The following GDAP2 variants were observed in gnomAD, a reference collection of about 807,000 sequenced individuals.
GDAP2 encodes the protein ganglioside-induced differentiation-associated protein 2.
Under a neutral mutation model 67.0 loss-of-function variants are expected in GDAP2, and 51 were observed. That is an observed-to-expected ratio of 0.76 (90% CI 0.61 to 0.96). The LOEUF is 0.96. Ranked by LOEUF, GDAP2 falls within the 40% of genes least tolerant of loss-of-function variation. The pLI, the probability that GDAP2 is intolerant of heterozygous loss-of-function variation, is 0.00. For synonymous variants in GDAP2, 203 were observed against 207.3 expected, an observed-to-expected ratio of 0.98 and a Z score of 0.18; for missense variants, 547 against 588.3, an observed-to-expected ratio of 0.93 and a Z score of 0.73.
At chr1:117,883,655 A>G in intron 10 of GDAP2, 28 bp from the exon 11 acceptor site, 4 of 1,558,422 alleles carry the variant, frequency 2.6e-6, no homozygotes, top group Non-Finnish European at 2.6e-6. Context: ...AATAAAGGTG[A>G]AGATCATTTT....
rs758277585 is a variant in GDAP2, at chr1:117,912,029, C to T, written c.524G>A (p.Gly175Asp). The change falls in exon 5 of 14, where the codon GGT becomes GAT. Residue 175 changes from glycine (G) to aspartate (D), a missense_variant. By Grantham distance (94) the Gly-to-Asp change is moderately conservative (BLOSUM62 -1). Coordinates refer to ENST00000369443, the MANE Select transcript of GDAP2 (RefSeq NM_017686.4). ...GFCVINSAKR[G>D]YPLEDATHIA... ...GTGTGTTGCATCCTCTAAAGGATAA[C>T]CACGTTTTGCAGAATTGATGACACA... 3.1e-6 allele frequency: 5 copies of T among 1,607,614 alleles called. No homozygotes were observed. In the African/African-American group the frequency reaches 6.7e-5, roughly 22 times the overall value.
At chr1:117,921,080 A>T (rs1650237184) in intron 1 of GDAP2, among the ~76,000 whole-genome samples, 1 of 152,206 alleles carries the variant, frequency 6.6e-6, no homozygotes, top group South Asian at 2.1e-4. Flanking sequence ...CAAGTACTAG[A>T]GAGAAGCAAT....
At chr1:117,911,754 T>TAA (rs1382438697) in intron 5 of GDAP2, among the ~76,000 whole-genome samples, 2 of 135,512 alleles carry the variant, frequency 1.5e-5, no homozygotes, top group Non-Finnish European at 3.2e-5. Flanking sequence ...ATTTAATGAT[T>TAA]AAAAAAAAAA....
chr1:117,892,283 C>T (rs1296195883), intron 8 of GDAP2, among the ~76,000 whole-genome samples: 1 of 152,110 alleles, frequency 6.6e-6, no homozygotes, highest in East Asian at 1.9e-4. Flanking sequence ...TCTTCTCACT[C>T]AATAGACAAT....
intron 8 of GDAP2, among the ~76,000 whole-genome samples, chr1:117,893,523 G>A (rs1649160027): frequency 6.6e-6 from 1 of 152,100 alleles, no homozygotes; most frequent in Admixed American, 6.6e-5. Context: ...CTTTTGAAAA[G>A]ATATTTACTA....
In GDAP2 at chr1:117,920,429, A is replaced by C. The variant is rs1650208605; in HGVS notation, c.-67-5T>G. ...AATATTCACTGGAGACTTTAGCTTT[A>C]AGAGAAAAGAAAGAATCACTTTAAT... On this transcript the variant is annotated splice_polypyrimidine_tract_variant and splice_region_variant and intron_variant, in intron 1 of 13. Coordinates refer to ENST00000369443, the MANE Select transcript of GDAP2 (RefSeq NM_017686.4). 1 of 925,130 alleles carries C rather than the reference A, an allele frequency of 1.1e-6. No individual in the cohort carries two copies. The highest frequency in any genetic ancestry group is 1.7e-5 in the African/African-American group (1 of 60,266). 57.3% of individuals were successfully genotyped at this position (925,130 alleles called of 1,614,324 possible).
intron 1 of GDAP2, among the ~76,000 whole-genome samples, chr1:117,924,696 T>C (rs1013388529): frequency 6.6e-6 from 1 of 152,234 alleles, no homozygotes; most frequent in South Asian, 2.1e-4. Context: ...TAAACAATGA[T>C]AAATTTGTAT....
intron 6 of GDAP2, among the ~76,000 whole-genome samples, chr1:117,904,177 TGGGGTTTC>T (rs990245703): frequency 1.3e-5 from 2 of 152,038 alleles, no homozygotes; most frequent in Non-Finnish European, 2.9e-5. Flanking sequence ...TTAGCAGAGA[TGGGGTTTC>T]GCCATGTTGG....
At chr1:117,900,775 A>G (rs1170199439) in intron 6 of GDAP2, among the ~76,000 whole-genome samples, 1 of 151,712 alleles carries the variant, frequency 6.6e-6, no homozygotes, top group Non-Finnish European at 1.5e-5. Context: ...AAAAAAAAAA[A>G]AAAGGCCGGG....
At position 117,918,648 on chromosome 1, in the gene GDAP2, T is replaced by C; in HGVS notation, c.265A>G (p.Ile89Val). The C allele has an allele frequency of 6.2e-7, 1 of 1,609,854 alleles. No individual in the cohort carries two copies. The highest frequency in any genetic ancestry group is 1.1e-5 in the South Asian group (1 of 91,008). ...AAATCAGGCCCTGCAAGCATGAAGATACTTTCTGACACAGGATTCTTATCT... is the reference window on the plus strand; with the variant it reads ...AAATCAGGCCCTGCAAGCATGAAGACACTTTCTGACACAGGATTCTTATCT... ...LTDKNPVSES[I>V]FMLAGPDLKE... Residue 89 changes from isoleucine (I) to valine (V), a missense_variant, in exon 3 of 14, where the codon ATC becomes GTC. Coordinates refer to ENST00000369443, the MANE Select transcript of GDAP2 (RefSeq NM_017686.4).
In GDAP2 at chr1:117,866,247, C is replaced by T. The variant is rs879918743; in HGVS notation, c.*4322G>A. The T allele has an allele frequency of 1.1e-4, 16 of 152,092 alleles. No individual in the cohort carries two copies. The highest frequency in any genetic ancestry group is 6.6e-4 in the Admixed American group (10 of 15,246). 9.4% of individuals were successfully genotyped at this position (152,092 alleles called of 1,614,324 possible). A position where few individuals can be genotyped will look rare whatever the true frequency, so the allele number is the denominator to read the frequency against. On this transcript the variant is annotated 3_prime_UTR_variant, in exon 14 of 14. Coordinates refer to ENST00000369443, the MANE Select transcript of GDAP2 (RefSeq NM_017686.4). ...CTTATAAGAAGAGACAGGAAAGTAA[C>T]GATGTCTCTCTCTCTCTGCCAAGTG...
intron 10 of GDAP2, among the ~76,000 whole-genome samples, chr1:117,884,901 T>C (rs1648795956): frequency 6.6e-6 from 1 of 151,660 alleles, no homozygotes; most frequent in African/African-American, 2.4e-5. Flanking sequence ...TGCAATGGCA[T>C]GACCTTGGTT....
At chr1:117,927,991 C>A (rs1234752584) in intron 1 of GDAP2, among the ~76,000 whole-genome samples, 1 of 152,210 alleles carries the variant, frequency 6.6e-6, no homozygotes, top group Non-Finnish European at 1.5e-5. Context: ...CCTTACCACT[C>A]ACAGTTGCTC....
intron 1 of GDAP2, among the ~76,000 whole-genome samples, chr1:117,927,553 T>C (rs1650495953): frequency 6.6e-6 from 1 of 152,212 alleles, no homozygotes; most frequent in Admixed American, 6.5e-5. Context: ...CCATTCTTTA[T>C]GACTTTGTAT....
At chr1:117,909,741 C>G (rs1649784833) in intron 5 of GDAP2, among the ~76,000 whole-genome samples, 1 of 152,048 alleles carries the variant, frequency 6.6e-6, no homozygotes, top group East Asian at 1.9e-4. Flanking sequence ...CATCAAAGTC[C>G]CTTATACCCA....
intron 5 of GDAP2, among the ~76,000 whole-genome samples, chr1:117,908,943 T>G (rs1168047302): frequency 2.6e-5 from 4 of 152,214 alleles, no homozygotes; most frequent in Non-Finnish European, 4.4e-5. Context: ...ATTATTTCCT[T>G]TGGAAGATAA....
chr1:117,926,338 G>A (rs546852808), intron 1 of GDAP2, among the ~76,000 whole-genome samples: 1 of 152,174 alleles, frequency 6.6e-6, no homozygotes, highest in South Asian at 2.1e-4. Context: ...ATTATACCCT[G>A]GTGGTTCTCC....
In GDAP2 at chr1:117,912,023, G is replaced by A; in HGVS notation, c.530C>T (p.Pro177Leu). The change falls in exon 5 of 14, where the codon CCT becomes CTT. Residue 177 changes from proline (P) to leucine (L), a missense_variant. Transcript: ENST00000369443. ...TGCTATGTGTGTTGCATCCTCTAAA[G>A]GATAACCACGTTTTGCAGAATTGAT... ...CVINSAKRGY[P>L]LEDATHIALR... 2 of 1,601,918 alleles carry A rather than the reference G, an allele frequency of 1.2e-6. No homozygotes were observed. Among genetic ancestry groups the A allele is most frequent in the Non-Finnish European group, 1.7e-6 (2 of 1,169,098 alleles).
intron 8 of GDAP2, among the ~76,000 whole-genome samples, chr1:117,892,091 G>C (rs1309629276): frequency 6.6e-6 from 1 of 152,054 alleles, no homozygotes; most frequent in East Asian, 1.9e-4. Flanking sequence ...TGAGACACTG[G>C]TCCTGTTCTG....
Sources: allele counts gnomAD v4.1 joint callset (sites outside exome capture counted in the v4.1 genomes callset), GRCh38; gene constraint gnomAD v4.1.1; transcripts MANE v1.5; gene names NCBI Gene and HGNC (gene_info 2026-07-23, HGNC 2026-07-21).